Variants in PCOLCE2 observed in about 807,000 individuals in gnomAD.
The protein encoded by PCOLCE2 is procollagen C-proteinase enhancer 2.
A neutral mutation model predicts 47.0 loss-of-function variants in PCOLCE2; 42 were observed. The observed-to-expected ratio is 0.89, with a 90% CI of 0.70 to 1.16. The LOEUF is 1.16. PCOLCE2 is among the 50% of genes most tolerant of loss of function. PCOLCE2 has a pLI of 0.00. For synonymous variants in PCOLCE2, 169 were observed against 191.7 expected, an observed-to-expected ratio of 0.88 and a Z score of 0.98; for missense variants, 500 against 526.1, an observed-to-expected ratio of 0.95 and a Z score of 0.49.
At chr3:142,847,090 T>G (rs141741502) in intron 3 of PCOLCE2, among the ~76,000 whole-genome samples, 2 of 152,372 alleles carry the variant, frequency 1.3e-5, no homozygotes, top group African/African-American at 4.8e-5. Context: ...AAAATAATTT[T>G]GTTCTAGCAG....
At chr3:142,829,570 C>T in intron 6 of PCOLCE2, 122 bp downstream of exon 6, 1 of 697,028 alleles carries the variant, frequency 1.4e-6, no homozygotes, top group Non-Finnish European at 2.3e-6. Context: ...ATTCTCTTAC[C>T]AAAGCTTTCA....
intron 2 of PCOLCE2, among the ~76,000 whole-genome samples, chr3:142,854,991 C>G (rs891926555): frequency 6.6e-6 from 1 of 152,224 alleles, no homozygotes; most frequent in Non-Finnish European, 1.5e-5. Context: ...TGTCATGCCA[C>G]TTTTCTGTTC....
At chr3:142,839,836 AG>A (rs1362895009) in intron 4 of PCOLCE2, among the ~76,000 whole-genome samples, 3 of 152,262 alleles carry the variant, frequency 2.0e-5, no homozygotes, top group Non-Finnish European at 2.9e-5. Flanking sequence ...AAAAAGAAAG[AG>A]AAAAACAAGA....
chr3:142,884,215 T>C (rs9850366), intron 2 of PCOLCE2, among the ~76,000 whole-genome samples: 1 of 152,164 alleles, frequency 6.6e-6, no homozygotes, highest in Non-Finnish European at 1.5e-5. Flanking sequence ...GTCCAGGTGG[T>C]GGGATGTCAA....
intron 2 of PCOLCE2, among the ~76,000 whole-genome samples, chr3:142,883,198 C>CAAAA (rs750569279): frequency 7.9e-4 from 57 of 71,762 alleles, no homozygotes; most frequent in East Asian, 2.2e-3. Flanking sequence ...GACTCCGTCT[C>CAAAA]AAAAAAAAAA....
At chr3:142,821,176 GT>G in intron 7 of PCOLCE2, 131 bp from the exon 8 acceptor site, 1 of 679,814 alleles carries the variant, frequency 1.5e-6, no homozygotes, top group South Asian at 2.1e-5. Context: ...CCTCATAGAG[GT>G]TTCACATTTG....
At chr3:142,847,064 C>T (rs1937335584) in intron 3 of PCOLCE2, among the ~76,000 whole-genome samples, 1 of 152,166 alleles carries the variant, frequency 6.6e-6, no homozygotes, top group African/African-American at 2.4e-5. Flanking sequence ...ACTCTAGATT[C>T]TGTTGTGTTC....
Position 142,842,157 on chromosome 3 carries a change from C to T in PCOLCE2, c.573+767G>A, listed in dbSNP as rs562241194. 6.6e-6 allele frequency among the ~76,000 whole-genome samples: 1 copy of T among 152,254 alleles called. No individual in the cohort carries two copies. The highest frequency in any genetic ancestry group is 1.5e-5 in the Non-Finnish European group (1 of 68,020). ...TTCTTTGAAGAGATAATGTGGCTTG[C>T]TTTTGTTGGCTTTGTTGAGGCAAAG... On this transcript the variant is annotated intron_variant, in intron 4 of 8. Transcript: ENST00000295992. This position sits in a 1 kb window ranked among gnomAD's most constrained non-coding sequence, Gnocchi z 4.1.
At chr3:142,837,086 GAGAC>G (rs1937212381) in intron 5 of PCOLCE2, among the ~76,000 whole-genome samples, 1 of 152,176 alleles carries the variant, frequency 6.6e-6, no homozygotes, top group Non-Finnish European at 1.5e-5. Context: ...CTAAGAAGAG[GAGAC>G]AGAAGCAGCG....
At position 142,887,805 on chromosome 3, in the gene PCOLCE2, T is replaced by C. The variant is rs375386656; in HGVS notation, c.84-28A>G. On this transcript the variant is annotated intron_variant, in intron 1 of 8. Coordinates refer to ENST00000295992, the MANE Select transcript of PCOLCE2 (RefSeq NM_013363.4). ...GGGAACATAAAAGAAGAAAAGATAA[T>C]GTAATTTGAAACATGGTCTAACAAT... 20 of 1,254,570 alleles carry C rather than the reference T, an allele frequency of 1.6e-5. No individual in the cohort carries two copies. The African/African-American group carries it at 2.9e-4, about 18-fold the overall frequency. The allele number at this position is 1,254,570 out of a possible 1,614,324, so 77.7% of individuals were successfully genotyped here.
chr3:142,821,974 G>A (rs1392313231), intron 7 of PCOLCE2, among the ~76,000 whole-genome samples: 1 of 152,024 alleles, frequency 6.6e-6, no homozygotes, highest in Non-Finnish European at 1.5e-5. Context: ...CTGGACTGCA[G>A]TGGCACAATC....
chr3:142,857,572 G>C (rs1933086440), intron 2 of PCOLCE2, among the ~76,000 whole-genome samples: 1 of 152,078 alleles, frequency 6.6e-6, no homozygotes, highest in Non-Finnish European at 1.5e-5. Context: ...AGGGAAAAAA[G>C]GTAATATTTC....
At position 142,836,121 on chromosome 3, in the gene PCOLCE2, T is replaced by G. The variant is rs116212821; in HGVS notation, c.710+2649A>C. On this transcript the variant is annotated intron_variant, in intron 5 of 8. Transcript: ENST00000295992. ...AAACTAAATTCTTGACCTGTTTTTT[T>G]GGGGACAGTCAGGTAGTGTAAATTC... is the stretch of plus-strand genomic sequence containing the variant. Among the ~76,000 whole-genome samples, 1,294 of 152,332 alleles carry G rather than the reference T, an allele frequency of 8.5e-3. 18 individuals are homozygous for G. Among genetic ancestry groups the G allele is most frequent in the African/African-American group, 0.029 (1,217 of 41,566 alleles).
At chr3:142,828,197 C>CA (rs1354212938) in intron 6 of PCOLCE2, among the ~76,000 whole-genome samples, 1 of 152,148 alleles carries the variant, frequency 6.6e-6, no homozygotes, top group Non-Finnish European at 1.5e-5. Context: ...AGGATAAACA[C>CA]AAAAATACTT....
chr3:142,859,116 G>A (rs4683433), intron 2 of PCOLCE2, among the ~76,000 whole-genome samples: 75,949 of 151,266 alleles, frequency 0.5, 21,146 homozygotes, highest in Non-Finnish European at 0.64. Context: ...AGGCTAGAGT[G>A]CAGTGGCATG....
At chr3:142,822,960 A>C (rs908991999) in intron 7 of PCOLCE2, among the ~76,000 whole-genome samples, 2 of 152,246 alleles carry the variant, frequency 1.3e-5, no homozygotes, top group Non-Finnish European at 2.9e-5. Flanking sequence ...TTAAGTAGCT[A>C]TCATAGATGG....
chr3:142,833,627 C>T (rs1451406684), intron 5 of PCOLCE2, among the ~76,000 whole-genome samples: 3 of 152,170 alleles, frequency 2.0e-5, no homozygotes, highest in Admixed American at 6.5e-5. Flanking sequence ...ACCCTCATTA[C>T]AAACCATATT....
rs547465850 is a variant in PCOLCE2 at position 142,848,324 on chromosome 3, G to A, written c.341C>T (p.Ala114Val). ...GRFCGTFRPG[A>V]LVSSGNKMMV... ...CATCTTGTTGCCACTGGACACAAGG[G>A]CTCCAGGCCGGAAAGTGCCACAGAA... Residue 114 changes from alanine to valine, a missense_variant, in exon 3 of 9, where the codon GCC becomes GTC. By Grantham distance (64) the Ala-to-Val change is moderately conservative. Coordinates refer to ENST00000295992, the MANE Select transcript of PCOLCE2 (RefSeq NM_013363.4). 6.2e-7 allele frequency: 1 copy of A among 1,614,174 alleles called. No individual in the cohort carries two copies. Among genetic ancestry groups the A allele is most frequent in the East Asian group, 2.2e-5 (1 of 44,884 alleles).
At chr3:142,821,379 C>T (rs1937012793) in intron 7 of PCOLCE2, among the ~76,000 whole-genome samples, 1 of 152,164 alleles carries the variant, frequency 6.6e-6, no homozygotes, top group African/African-American at 2.4e-5. Context: ...TTATGAGGCT[C>T]TACCTGTGAA....
Sources: allele counts gnomAD v4.1 joint callset (sites outside exome capture counted in the v4.1 genomes callset), GRCh38; gene constraint gnomAD v4.1.1; non-coding constraint Gnocchi (gnomAD v3.1); transcripts MANE v1.5; gene names NCBI Gene and HGNC (gene_info 2026-07-23, HGNC 2026-07-21).